The following RGS7 variants were observed in gnomAD, a reference collection of about 807,000 sequenced individuals.
RGS7 encodes regulator of G protein signaling 7.
A neutral mutation model predicts 81.1 loss-of-function variants in RGS7; 27 were observed. The ratio of observed to expected loss-of-function variants is 0.33; its 90% CI spans 0.25 to 0.46. The LOEUF (loss-of-function observed/expected upper bound fraction) is 0.46, where lower values mean the gene tolerates loss of function less well. Among genes scored for constraint, RGS7 ranks in the 20% least tolerant of loss-of-function variants. The pLI, the probability that RGS7 is intolerant of heterozygous loss-of-function variation, is 1.00. For synonymous variants in RGS7, 208 were observed against 207.7 expected (o/e 1.00, Z -0.01); for missense variants, 396 against 607.4 (o/e 0.65, Z 3.66).
intron 2 of RGS7, among the ~76,000 whole-genome samples, chr1:241,268,472 A>G (rs965837674): frequency 1.3e-5 from 2 of 152,156 alleles, no homozygotes; most frequent in Non-Finnish European, 2.9e-5. Flanking sequence ...ATATGGGCCA[A>G]TGTTCCCTGG....
At chr1:240,877,957 T>G (rs980912985) in intron 6 of RGS7, among the ~76,000 whole-genome samples, 5 of 152,144 alleles carry the variant, frequency 3.3e-5, no homozygotes, top group Non-Finnish European at 7.4e-5. Context: ...ATAGTCAGTG[T>G]ACTCAAAACC....
chr1:241,224,816 A>C (rs1193836025), intron 2 of RGS7, among the ~76,000 whole-genome samples: 5 of 152,040 alleles, frequency 3.3e-5, no homozygotes, highest in Non-Finnish European at 7.4e-5. Context: ...AGCTTTTCTG[A>C]ACAGGTCCAC....
chr1:241,302,528 A>G lies in RGS7; in HGVS notation c.78+53171T>C, dbSNP rs1299856096. Among the ~76,000 whole-genome samples, 6 of 152,140 alleles carry G rather than the reference A, an allele frequency of 3.9e-5. No homozygotes were observed. The South Asian group carries it at 8.3e-4, about 21-fold the overall frequency. ...CACGCCACTGCACTCCAGCCTGGGC[A>G]ACAGAGCGAGACTCTGTCTCAAAAC... is the stretch of plus-strand genomic sequence containing the variant. On this transcript the variant is annotated intron_variant, in intron 2 of 18. Transcript: ENST00000440928.
At chr1:241,335,958 C>T (rs1012417254) in intron 2 of RGS7, among the ~76,000 whole-genome samples, 1 of 151,648 alleles carries the variant, frequency 6.6e-6, no homozygotes. Flanking sequence ...AAGAACTAAT[C>T]AAATATTTTA....
At chr1:241,134,019 T>A (rs2067307376) in intron 2 of RGS7, among the ~76,000 whole-genome samples, 1 of 152,202 alleles carries the variant, frequency 6.6e-6, no homozygotes, top group African/African-American at 2.4e-5. Flanking sequence ...CACGACATCA[T>A]CTATCCTTGC....
chr1:241,180,159 G>A (rs1284892282), intron 2 of RGS7, among the ~76,000 whole-genome samples: 2 of 152,012 alleles, frequency 1.3e-5, no homozygotes, highest in African/African-American at 4.8e-5. Context: ...CGGATCACGA[G>A]GTCAGATCGA....
In RGS7 at chr1:241,265,786, CTTTTTTTTTTTTT is replaced by C. The variant is rs577669455; in HGVS notation, c.78+89900_78+89912del. ...TCAAGTTACTGCCCTTTTCCTCGTC[CTTTTTTTTTTTTT>C]TTTTTTTTTTTTTAGACAGAGTTTT... On this transcript the variant is annotated intron_variant, in intron 2 of 18. Coordinates refer to ENST00000440928, the MANE Select transcript of RGS7 (RefSeq NM_001364886.1). 1.7e-3 allele frequency among the ~76,000 whole-genome samples: 152 copies of C among 90,264 alleles called. 1 individual carries two copies. The highest frequency in any genetic ancestry group is 6.2e-3 in the Admixed American group (45 of 7,270). The allele number at this position is 90,264 out of a possible 152,430, so 59.2% of individuals were successfully genotyped here.
intron 9 of RGS7, among the ~76,000 whole-genome samples, chr1:240,853,729 C>T (rs1243556681): frequency 6.6e-6 from 1 of 151,580 alleles, no homozygotes; most frequent in Non-Finnish European, 1.5e-5. Context: ...GGTGAAACCC[C>T]GTCTCTACTA....
chr1:240,963,162 G>A (rs1000211236), intron 4 of RGS7, among the ~76,000 whole-genome samples: 2 of 152,126 alleles, frequency 1.3e-5, no homozygotes, highest in African/African-American at 4.8e-5. Context: ...GTAGAGAGAG[G>A]TGGACAGATC....
chr1:240,873,829 A>G lies in RGS7; in HGVS notation c.386-3710T>C, dbSNP rs1459091033. Among the ~76,000 whole-genome samples the G allele has an allele frequency of 3.9e-5, 6 of 152,234 alleles. No individual in the cohort carries two copies. In the East Asian group the frequency reaches 9.6e-4, roughly 24 times the overall value. On this transcript the variant is annotated intron_variant, in intron 6 of 18. Transcript: ENST00000440928. ...TAAATATTTTAAAATTACCCAGCTT[A>G]CAACCCAGGTAATGCAAATTAACTT... is the stretch of plus-strand genomic sequence containing the variant.
rs537404877 is a variant in RGS7 at position 241,355,992 on chromosome 1, T to G, written c.-50-166A>C. 1.4e-4 allele frequency among the ~76,000 whole-genome samples: 22 copies of G among 152,286 alleles called. No individual in the cohort carries two copies. The South Asian group carries it at 2.9e-3, about 20-fold the overall frequency. On this transcript the variant is annotated intron_variant, in intron 1 of 18. Transcript: ENST00000440928. ...TTAAAAAGTGAGTTGACACCTACAATAACCTCAAGGAATTGTAAGAAATTA... is the reference window on the plus strand; with the variant it reads ...TTAAAAAGTGAGTTGACACCTACAAGAACCTCAAGGAATTGTAAGAAATTA...
intron 9 of RGS7, among the ~76,000 whole-genome samples, chr1:240,858,540 C>T (rs2147969124): frequency 6.6e-6 from 1 of 152,242 alleles, no homozygotes; most frequent in Non-Finnish European, 1.5e-5. Context: ...AGTGTCTGTT[C>T]AGATCCTTTG....
intron 5 of RGS7, among the ~76,000 whole-genome samples, chr1:240,935,257 C>T (rs1185412596): frequency 6.6e-6 from 1 of 152,104 alleles, no homozygotes; most frequent in Non-Finnish European, 1.5e-5. Context: ...CTGTCTACTA[C>T]ATTTTCTGGG....
At chr1:241,053,889 C>T (rs2061365432) in intron 3 of RGS7, among the ~76,000 whole-genome samples, 1 of 152,196 alleles carries the variant, frequency 6.6e-6, no homozygotes, top group Admixed American at 6.5e-5. Context: ...TAAGACATGT[C>T]TTTCACCTTC....
intron 9 of RGS7, among the ~76,000 whole-genome samples, chr1:240,850,747 A>G (rs1173220072): frequency 6.6e-6 from 1 of 152,228 alleles, no homozygotes; most frequent in Non-Finnish European, 1.5e-5. Flanking sequence ...GTGCTACTCT[A>G]GTGAACACAC....
intron 2 of RGS7, among the ~76,000 whole-genome samples, chr1:241,200,095 G>C (rs2073384973): frequency 6.6e-6 from 1 of 151,980 alleles, no homozygotes. Context: ...CCAAAGCCTT[G>C]GTTCCTTCAG....
At chr1:241,027,635 T>C (rs1039790844) in intron 3 of RGS7, among the ~76,000 whole-genome samples, 5 of 152,070 alleles carry the variant, frequency 3.3e-5, no homozygotes, top group Admixed American at 6.5e-5. Flanking sequence ...ACAGAACCAA[T>C]AGGACTTGAT....
At chr1:241,285,709 G>A (rs193082049) in intron 2 of RGS7, among the ~76,000 whole-genome samples, 1 of 152,146 alleles carries the variant, frequency 6.6e-6, no homozygotes, top group Non-Finnish European at 1.5e-5. Context: ...TACTAGAACT[G>A]TTTTCAAGTA....
intron 2 of RGS7, among the ~76,000 whole-genome samples, chr1:241,235,603 T>TTTTC (rs371557510): frequency 0.57 from 85,076 of 148,508 alleles, 24,399 homozygotes; most frequent in African/African-American, 0.59. Context: ...CTTCCTTTAT[T>TTTTC]TTTCTTTCTT....
Sources: gnomAD v4.1 joint callset for allele counts (sites outside exome capture counted in the v4.1 genomes callset) on GRCh38, gnomAD v4.1.1 for gene constraint, MANE v1.5 for transcripts, NCBI Gene and HGNC (gene_info 2026-07-23, HGNC 2026-07-21) for gene names.